USP9Y: variants seen among roughly 807,000 people sequenced by gnomAD.
USP9Y encodes ubiquitin specific peptidase 9 Y-linked, also known as ubiquitin carboxyl-terminal hydrolase 9Y.
In USP9Y, 41 loss-of-function variants were observed where a neutral mutation model predicts 53.1. The ratio of observed to expected loss-of-function variants is 0.77; its 90% confidence interval spans 0.60 to 1.00. USP9Y has a LOEUF of 1.00. Ranked by LOEUF, USP9Y falls within the 50% of genes least tolerant of loss-of-function variation. The pLI, the probability that USP9Y is intolerant of heterozygous loss-of-function variation, is 0.00. For synonymous variants in USP9Y, 220 were observed against 173.7 expected (o/e 1.27, Z -2.09); for missense variants, 567 against 535.8 (o/e 1.06, Z -0.58).
At chrY:12,709,653 G>A (rs1603195361) in intron 3 of USP9Y, 110 bp downstream of exon 3, 8 of 192,590 alleles carry the variant, frequency 4.2e-5, no homozygotes, top group South Asian at 3.9e-5. Flanking sequence ...TAAGTTACAC[G>A]TGAAAAAAGT....
chrY:12,723,682 C>G (rs2053438630), intron 5 of USP9Y, among the ~76,000 whole-genome samples: 1 of 32,835 alleles, frequency 3.0e-5, no homozygotes, highest in Middle Eastern at 0.014. Flanking sequence ...GCCAGCGCCC[C>G]CGGTGAATAC....
At chrY:12,825,234 G>T in intron 33 of USP9Y, among the ~76,000 whole-genome samples, 1 of 33,027 alleles carries the variant, frequency 3.0e-5, no homozygotes, top group Non-Finnish European at 7.4e-5. Flanking sequence ...CATGCGTCTT[G>T]TATATATGTT....
At position 12,816,259 on chromosome Y, in the gene USP9Y, C is replaced by G; in HGVS notation, c.4745C>G (p.Ser1582Cys). ...ATCCAGCAGCTATACATGATTCCTTCTATCAGGAACAGTATTCTTGCAATT... is the reference window on the plus strand; with the variant it reads ...ATCCAGCAGCTATACATGATTCCTTGTATCAGGAACAGTATTCTTGCAATT... ...SVIQQLYMIP[S>C]IRNSILAIEG... Residue 1582 changes from serine (S) to cysteine (C), a missense_variant, in exon 32 of 46, where the codon TCT becomes TGT. Physicochemically the swap from Ser to Cys is moderately radical, Grantham distance 112. Coordinates refer to ENST00000338981, the MANE Select transcript of USP9Y (RefSeq NM_004654.4). 20 of 398,688 alleles carry G rather than the reference C, an allele frequency of 5.0e-5. No individual in the cohort carries two copies. The highest frequency in any genetic ancestry group is 7.1e-5 in the Non-Finnish European group (20 of 283,375).
At chrY:12,730,707 T>C (rs2053446558) in intron 7 of USP9Y, among the ~76,000 whole-genome samples, 2 of 32,929 alleles carry the variant, frequency 6.1e-5, no homozygotes, top group Non-Finnish European at 1.5e-4. Flanking sequence ...GGTCTCAAAC[T>C]CTTGACCTCA....
chrY:12,773,434 T>C (rs35407486), intron 16 of USP9Y, 149 bp from the exon 17 acceptor site: 171 of 160,848 alleles, frequency 1.1e-3, no homozygotes, highest in African/African-American at 0.01. Context: ...ATTCCAGATA[T>C]GTGTTTAACA....
chrY:12,856,197 G>T, intron 42 of USP9Y, 143 bp from the exon 43 acceptor site: 1 of 168,242 alleles, frequency 5.9e-6, no homozygotes, highest in South Asian at 4.8e-5. Flanking sequence ...ATTTTAATTT[G>T]TTCCTACCTA....
intron 29 of USP9Y, 34 bp from the exon 30 acceptor site, chrY:12,811,601 G>A (rs1236946692): frequency 2.5e-6 from 1 of 394,253 alleles, no homozygotes; most frequent in Non-Finnish European, 3.6e-6. Context: ...TCTCCATGTT[G>A]TGAGTTGGGC....
chrY:12,736,333 T>A, intron 9 of USP9Y, 78 bp from the exon 10 acceptor site: 2 of 360,258 alleles, frequency 5.6e-6, no homozygotes, highest in Non-Finnish European at 7.9e-6. Context: ...GGTTGTAAAT[T>A]TCCTCTTTTA....
rs149106583 is a variant in USP9Y, at chrY:12,786,501, C to CTTT, written c.3283-7_3283-5dup. ...TTTAAATCCCTTTTAATATACTCTC[C>CTTT]TTTTTTTTTTTTTTTTCCAGGTAGT... is the stretch of plus-strand genomic sequence containing the variant. On this transcript the variant is annotated intron_variant, in intron 23 of 45. Transcript: ENST00000338981. The CTTT allele has an allele frequency of 9.4e-6, 3 of 320,676 alleles. No individual in the cohort carries two copies. The South Asian group carries it at 1.1e-4, about 12-fold the overall frequency. 80.0% of individuals were successfully genotyped at this position (320,676 alleles called of 400,897 possible). A position where few individuals can be genotyped will look rare whatever the true frequency, so the allele number is the denominator to read the frequency against.
chrY:12,842,248 C>T lies in USP9Y; in HGVS notation c.6221C>T (p.Ala2074Val). 7.5e-6 allele frequency: 3 copies of T among 397,357 alleles called. No individual in the cohort carries two copies. The highest frequency in any genetic ancestry group is 7.1e-6 in the Non-Finnish European group (2 of 282,342). ...VRGPASDWYD[A>V]LCVLLRHSKN... is the part of the protein sequence containing the mutation. ...AGATGTTTCTGTTTTAGGTATGATG[C>T]ACTGTGCGTTCTTCTCCGTCACAGC... The change falls in exon 38 of 46, where the codon GCA (alanine) becomes GTA (valine). Residue 2074 changes from alanine (A) to valine (V), a missense_variant. Transcript: ENST00000338981.
chrY:12,814,290 A>T, intron 31 of USP9Y, among the ~76,000 whole-genome samples: 1 of 30,725 alleles, frequency 3.3e-5, no homozygotes, highest in Non-Finnish European at 7.9e-5. Flanking sequence ...GCACTTTGGG[A>T]GGCCGAGGCG....
intron 42 of USP9Y, among the ~76,000 whole-genome samples, chrY:12,856,073 C>G: frequency 9.2e-5 from 3 of 32,669 alleles, no homozygotes; most frequent in African/African-American, 2.4e-4. Flanking sequence ...AGTGAGATTC[C>G]TATGTCTGAC....
chrY:12,843,331 T>C, intron 39 of USP9Y, 138 bp downstream of exon 39: 1 of 141,757 alleles, frequency 7.1e-6, no homozygotes, highest in Non-Finnish European at 1.3e-5. Context: ...TAAAATGCAT[T>C]GCAAATTTTC....
At chrY:12,746,202 A>G in intron 12 of USP9Y, among the ~76,000 whole-genome samples, 1 of 33,846 alleles carries the variant, frequency 3.0e-5, no homozygotes, top group Non-Finnish European at 7.3e-5. Flanking sequence ...TGGATATCCC[A>G]TACGGTTATC....
chrY:12,778,320 G>A, intron 20 of USP9Y, 61 bp downstream of exon 20: 1 of 303,861 alleles, frequency 3.3e-6, no homozygotes, highest in Non-Finnish European at 4.7e-6. Flanking sequence ...ATATTAGTAA[G>A]CCTCAACATT....
At chrY:12,807,516 A>C in intron 27 of USP9Y, among the ~76,000 whole-genome samples, 1 of 26,823 alleles carries the variant, frequency 3.7e-5, no homozygotes, top group Non-Finnish European at 8.6e-5. Flanking sequence ...GGCATACACC[A>C]CCACGCCTTG....
intron 35 of USP9Y, 54 bp downstream of exon 35, chrY:12,838,106 C>T: frequency 3.8e-6 from 1 of 265,272 alleles, no homozygotes; most frequent in Non-Finnish European, 5.8e-6. Flanking sequence ...AATAGGAGGA[C>T]ATTGGAGTTG....
chrY:12,848,890 G>A, intron 42 of USP9Y, among the ~76,000 whole-genome samples: 4 of 33,582 alleles, frequency 1.2e-4, no homozygotes, highest in Admixed American at 1.1e-3. Flanking sequence ...GTCAAGTAAC[G>A]TGATGCCTCC....
At chrY:12,830,055 T>G (rs2148290967) in intron 33 of USP9Y, among the ~76,000 whole-genome samples, 3 of 33,871 alleles carry the variant, frequency 8.9e-5, no homozygotes, top group African/African-American at 3.4e-4. Context: ...CTGTAGGTAT[T>G]TATAGCAGCT....
Sources: allele counts gnomAD v4.1 joint callset (sites outside exome capture counted in the v4.1 genomes callset), GRCh38; gene constraint gnomAD v4.1.1; transcripts MANE v1.5; gene names NCBI Gene and HGNC (gene_info 2026-07-23, HGNC 2026-07-21).